Variants in WWP2 observed in about 807,000 individuals in gnomAD.
WWP2 encodes the protein NEDD4-like E3 ubiquitin-protein ligase WWP2.
In WWP2, 57 loss-of-function variants were observed where a neutral mutation model predicts 121.0. The ratio of observed to expected loss-of-function variants is 0.47; its 90% CI spans 0.38 to 0.59. The LOEUF is 0.59. WWP2 is among the 20% of genes least tolerant of loss of function. The pLI is 0.00. For synonymous variants in WWP2, 449 were observed against 441.3 expected, an observed-to-expected ratio of 1.02 and a Z score of -0.22; for missense variants, 962 against 1,158.9, an observed-to-expected ratio of 0.83 and a Z score of 2.47.
intron 7 of WWP2, 84 bp downstream of exon 7, chr16:69,872,015 G>A: frequency 6.6e-7 from 1 of 1,515,162 alleles, no homozygotes. Context: ...CCTGCCCACT[G>A]TGTCAGAATA....
chr16:69,911,080 A>C (rs990180386), intron 9 of WWP2, among the ~76,000 whole-genome samples: 3 of 152,174 alleles, frequency 2.0e-5, no homozygotes, highest in Non-Finnish European at 4.4e-5. Flanking sequence ...GCCTCCAGGG[A>C]AGTATTAACC....
intron 8 of WWP2, among the ~76,000 whole-genome samples, chr16:69,891,578 G>C (rs2058028397): frequency 6.6e-6 from 1 of 152,168 alleles, no homozygotes; most frequent in Non-Finnish European, 1.5e-5. Context: ...GGGTATGGCA[G>C]ATGCAGTGCT....
rs192541794 is a variant in WWP2 at position 69,827,944 on chromosome 16, C to T, written c.341-12182C>T. ...CTACGGCTTGAGAGATTTACCAAGACGGATGAAATCTTTGTATCTTGTTTT... is the reference window on the plus strand; with the variant it reads ...CTACGGCTTGAGAGATTTACCAAGATGGATGAAATCTTTGTATCTTGTTTT... On this transcript the variant is annotated intron_variant, in intron 4 of 23. Coordinates refer to ENST00000359154, the MANE Select transcript of WWP2 (RefSeq NM_001270454.2). 28 of 454,596 alleles carry T rather than the reference C, an allele frequency of 6.2e-5. 1 individual carries two copies. Among genetic ancestry groups the T allele is most frequent in the East Asian group, 1.4e-4 (2 of 14,378 alleles). The allele number at this position is 454,596 out of a possible 1,614,324, so 28.2% of individuals were successfully genotyped here. A position where few individuals can be genotyped will look rare whatever the true frequency, so the allele number is the denominator to read the frequency against.
chr16:69,917,732 G>C lies in WWP2; in HGVS notation c.1028G>C (p.Arg343Pro). ...AGCTGGGAAAAACGCACAGATCCCCGAGGCAGGTTTTACTATGTGGATCAC... is the reference window on the plus strand; with the variant it reads ...AGCTGGGAAAAACGCACAGATCCCCCAGGCAGGTTTTACTATGTGGATCAC... ...PPGWEKRTDP[R>P]GRFYYVDHNT... Residue 343 changes from arginine (R) to proline (P), a missense_variant, in exon 10 of 24, where the codon CGA (arginine) becomes CCA (proline). Physicochemically the swap from Arg to Pro is moderately radical, Grantham distance 103 (BLOSUM62 -2). Transcript: ENST00000359154. The C allele has an allele frequency of 6.2e-7, 1 of 1,604,980 alleles. No individual in the cohort carries two copies. The highest frequency in any genetic ancestry group is 8.5e-7 in the Non-Finnish European group (1 of 1,172,188).
chr16:69,869,417 C>T (rs1262101168), intron 6 of WWP2, among the ~76,000 whole-genome samples: 3 of 149,094 alleles, frequency 2.0e-5, no homozygotes, highest in African/African-American at 5.0e-5. Flanking sequence ...AACAAGGTCT[C>T]ACTCTTTTGC....
intron 4 of WWP2, among the ~76,000 whole-genome samples, chr16:69,804,409 A>G (rs1022202645): frequency 2.0e-5 from 3 of 152,104 alleles, no homozygotes; most frequent in African/African-American, 4.8e-5. Context: ...TTTTTTCCCT[A>G]ATATGTAGCT....
chr16:69,830,625 G>A (rs548200059), intron 4 of WWP2, among the ~76,000 whole-genome samples: 1 of 152,176 alleles, frequency 6.6e-6, no homozygotes, highest in Non-Finnish European at 1.5e-5. Flanking sequence ...GCCAGAGTGT[G>A]AGTGTTGGGG....
At chr16:69,930,749 G>A (rs997075651) in intron 13 of WWP2, among the ~76,000 whole-genome samples, 1 of 152,172 alleles carries the variant, frequency 6.6e-6, no homozygotes, top group African/African-American at 2.4e-5. Context: ...GCACACTCCT[G>A]TAGTCCTAGC....
Position 69,936,307 on chromosome 16 carries a change from C to T in WWP2, c.1977-5C>T. The T allele has an allele frequency of 6.2e-7, 1 of 1,614,004 alleles. No individual in the cohort carries two copies. The highest frequency in any genetic ancestry group is 1.1e-5 in the South Asian group (1 of 91,068). ...ATCTCCCCACTTGGTCTCCTGTGCCCCCAGAGAGAACAACCTGGAAGAATG... is the reference window on the plus strand; with the variant it reads ...ATCTCCCCACTTGGTCTCCTGTGCCTCCAGAGAGAACAACCTGGAAGAATG... On this transcript the variant is annotated splice_polypyrimidine_tract_variant and splice_region_variant and intron_variant, in intron 18 of 23. Transcript: ENST00000359154.
At chr16:69,781,442 C>T (rs1371349607) in intron 1 of WWP2, among the ~76,000 whole-genome samples, 1 of 152,146 alleles carries the variant, frequency 6.6e-6, no homozygotes, top group African/African-American at 2.4e-5. Flanking sequence ...ACCTCCTGGG[C>T]TCAAGGGATC....
intron 4 of WWP2, among the ~76,000 whole-genome samples, chr16:69,801,278 C>G (rs944451976): frequency 6.6e-6 from 1 of 150,484 alleles, no homozygotes; most frequent in Non-Finnish European, 1.5e-5. Flanking sequence ...GTCACTCAGG[C>G]TGGAGTGCAG....
At chr16:69,831,025 T>G (rs1422666088) in intron 4 of WWP2, among the ~76,000 whole-genome samples, 3 of 152,112 alleles carry the variant, frequency 2.0e-5, no homozygotes, top group Admixed American at 6.6e-5. Context: ...TCTCACCCGC[T>G]TTTGATGGGC....
chr16:69,894,289 C>T (rs1023221769), intron 8 of WWP2, among the ~76,000 whole-genome samples: 1 of 151,316 alleles, frequency 6.6e-6, no homozygotes, highest in Non-Finnish European at 1.5e-5. Flanking sequence ...CTCTGTTGCC[C>T]ATGCGGATCT....
At chr16:69,769,203 G>A (rs900975135) in intron 1 of WWP2, among the ~76,000 whole-genome samples, 2 of 151,496 alleles carry the variant, frequency 1.3e-5, no homozygotes, top group Admixed American at 6.6e-5. Flanking sequence ...TGTAATCCCC[G>A]CTACTCGGAA....
intron 6 of WWP2, among the ~76,000 whole-genome samples, chr16:69,846,069 A>AAAAAAAAAAAAAAAAAAC (rs1335612452): frequency 6.7e-6 from 1 of 150,182 alleles, no homozygotes; most frequent in Non-Finnish European, 1.5e-5. Flanking sequence ...AAAAAAAAAA[A>AAAAAAAAAAAAAAAAAAC]AGAATACTTA....
At chr16:69,836,657 C>T (rs1401702277) in intron 4 of WWP2, among the ~76,000 whole-genome samples, 1 of 152,132 alleles carries the variant, frequency 6.6e-6, no homozygotes, top group Non-Finnish European at 1.5e-5. Flanking sequence ...GTCACACAGG[C>T]TGGAGTGCAG....
chr16:69,849,749 A>AAT (rs1410656514), intron 6 of WWP2, among the ~76,000 whole-genome samples: 1 of 152,006 alleles, frequency 6.6e-6, no homozygotes, highest in Admixed American at 6.6e-5. Flanking sequence ...TTGAGGCTGC[A>AAT]GTGAGTTATG....
chr16:69,937,033 C>G lies in WWP2; in HGVS notation c.2118-85C>G. On this transcript the variant is annotated intron_variant, in intron 19 of 23. Coordinates refer to ENST00000359154, the MANE Select transcript of WWP2 (RefSeq NM_001270454.2). This position sits in a 1 kb window ranked among gnomAD's most constrained non-coding sequence, Gnocchi z 6.6. ...GGGCTCTGCTGATCTGGTGGTCCTG[C>G]GCGGTAACGGCCACGCGGCCTGGCC... 6.5e-7 allele frequency: 1 copy of G among 1,529,778 alleles called. No homozygotes were observed. Among genetic ancestry groups the G allele is most frequent in the Non-Finnish European group, 8.8e-7 (1 of 1,134,884 alleles). 94.8% of individuals were successfully genotyped at this position (1,529,778 alleles called of 1,614,324 possible).
chr16:69,859,713 TCACGGTGCCCCCTC>T (rs1305456707), intron 6 of WWP2, among the ~76,000 whole-genome samples: 1 of 151,948 alleles, frequency 6.6e-6, no homozygotes, highest in African/African-American at 2.4e-5. Context: ...GCATTCCTTC[TCACGGTGCCCCCTC>T]CACCTTCGAG....
Sources: allele counts gnomAD v4.1 joint callset (sites outside exome capture counted in the v4.1 genomes callset), GRCh38; gene constraint gnomAD v4.1.1; non-coding constraint Gnocchi (gnomAD v3.1); transcripts MANE v1.5; gene names NCBI Gene and HGNC (gene_info 2026-07-23, HGNC 2026-07-21).